APC: variants seen among roughly 807,000 people sequenced by gnomAD.
APC encodes the protein adenomatous polyposis coli protein.
A neutral mutation model predicts 247.0 loss-of-function variants in APC; 72 were observed. That is an observed-to-expected ratio of 0.29 (90% CI 0.24 to 0.35). The LOEUF (loss-of-function observed/expected upper bound fraction) is 0.35. Among genes scored for constraint, APC ranks in the 10% least tolerant of loss-of-function variants. The probability of loss-of-function intolerance (pLI) is 1.00; values close to 1 mark genes in which losing one functional copy is unlikely to be tolerated. For synonymous variants in APC, 1,254 were observed against 1,162.5 expected (o/e 1.08, Z -1.60); for missense variants, 3,400 against 3,360.7 (o/e 1.01, Z -0.29).
At chr5:112,713,523 G>A (rs1750982457) in intron 1 of APC, among the ~76,000 whole-genome samples, 1 of 152,178 alleles carries the variant, frequency 6.6e-6, no homozygotes, top group South Asian at 2.1e-4. Context: ...TAGGAAGAGG[G>A]TAAGCAAATG....
intron 14 of APC, 25 bp downstream of exon 14, chr5:112,828,997 A>G (rs373351850): frequency 1.1e-5 from 16 of 1,514,718 alleles, no homozygotes; most frequent in East Asian, 2.3e-5. Context: ...ATTTAGTACT[A>G]TAATATGAAT....
chr5:112,831,875 T>G (rs1764339955), intron 14 of APC, among the ~76,000 whole-genome samples: 1 of 152,236 alleles, frequency 6.6e-6, no homozygotes. Context: ...AACAATGGTT[T>G]TGACCAAATA....
chr5:112,814,713 C>T (rs1032735471), intron 8 of APC, among the ~76,000 whole-genome samples: 1 of 152,146 alleles, frequency 6.6e-6, no homozygotes, highest in African/African-American at 2.4e-5. Context: ...GCCTGAAGTC[C>T]AGTGACTCCA....
intron 9 of APC, among the ~76,000 whole-genome samples, chr5:112,817,345 G>T (rs1402597166): frequency 6.6e-6 from 1 of 152,120 alleles, no homozygotes; most frequent in Non-Finnish European, 1.5e-5. Context: ...AACTAATGTT[G>T]ATTTAAGTAA....
At chr5:112,837,008 C>T (rs747171388) in intron 15 of APC, among the ~76,000 whole-genome samples, 5 of 152,104 alleles carry the variant, frequency 3.3e-5, no homozygotes, top group Non-Finnish European at 7.4e-5. Flanking sequence ...GCCAAGAGCA[C>T]TCGTAAGAAG....
In APC at chr5:112,838,853, C is replaced by T. The variant is rs1168552524; in HGVS notation, c.3259C>T (p.Leu1087Phe). The stretch of plus-strand genomic sequence containing the variant: ...TACTGAGAGCACTGATGATAAACAC[C>T]TCAAGTTCCAACCACATTTTGGACA... ...VYTESTDDKH[L>F]KFQPHFGQQE... The change falls in exon 16 of 16, where the codon CTC becomes TTC. Residue 1087 changes from leucine (L) to phenylalanine (F), a missense_variant. By Grantham distance (22) the Leu-to-Phe change is conservative (BLOSUM62 0). Around this residue, in one of 9 missense-constraint regions of APC, gnomAD observed 715 missense variants for 656.6 expected, o/e 1.09. Coordinates refer to ENST00000257430, the MANE Select transcript of APC (RefSeq NM_000038.6). The T allele has an allele frequency of 1.2e-6, 2 of 1,614,106 alleles. No homozygotes were observed. The highest frequency in any genetic ancestry group is 1.1e-5 in the South Asian group (1 of 91,078).
intron 1 of APC, among the ~76,000 whole-genome samples, chr5:112,721,403 T>C (rs10076641): frequency 0.54 from 82,025 of 151,932 alleles, 22,684 homozygotes; most frequent in East Asian, 0.8. Flanking sequence ...AACAGTGAGA[T>C]TCCATCTCAA....
intron 6 of APC, among the ~76,000 whole-genome samples, chr5:112,786,968 A>G (rs1759031383): frequency 1.4e-5 from 2 of 147,510 alleles, no homozygotes; most frequent in South Asian, 2.1e-4. Flanking sequence ...TCTCACTGCA[A>G]CCTCCGCCTC....
Position 112,843,492 on chromosome 5 carries a change from G to C in APC, c.7898G>C (p.Gly2633Ala), listed in dbSNP as rs1766594323. ...TNSTSQTVSS[G>A]ATNGAESKTL... The stretch of plus-strand genomic sequence containing the variant: ...AGTACTTCTCAGACCGTTTCCTCAG[G>C]TGCTACAAATGGTGCTGAATCAAAG... The change falls in exon 16 of 16, where the codon GGT becomes GCT. Residue 2633 changes from glycine to alanine, a missense_variant. Around this residue, in one of 9 missense-constraint regions of APC, gnomAD observed 1,788 missense variants for 1,649.5 expected, o/e 1.08. Transcript: ENST00000257430. This position sits in a 1 kb window ranked among gnomAD's most constrained non-coding sequence, Gnocchi z 4.8. The C allele has an allele frequency of 6.2e-7, 1 of 1,613,948 alleles. No homozygotes were observed. The highest frequency in any genetic ancestry group is 1.1e-5 in the South Asian group (1 of 91,082).
Position 112,835,181 on chromosome 5 carries a change from T to C in APC, c.1958+16T>C. On this transcript the variant is annotated intron_variant, in intron 15 of 15. Transcript: ENST00000257430. Reference sequence around the variant, plus strand: ...AGGACCACAGGTATATATAGAGTTTTATATTACTTTTAAAGTACAGAATTC... The same window carrying C: ...AGGACCACAGGTATATATAGAGTTTCATATTACTTTTAAAGTACAGAATTC... The C allele has an allele frequency of 3.8e-6, 6 of 1,593,924 alleles. No homozygotes were observed. Among genetic ancestry groups the C allele is most frequent in the Non-Finnish European group, 5.1e-6 (6 of 1,165,840 alleles).
rs1055566518 is a variant in APC at position 112,731,724 on chromosome 5, C to T, written c.165+23842C>T. 2.6e-5 allele frequency among the ~76,000 whole-genome samples: 4 copies of T among 152,066 alleles called. 1 individual carries two copies. The highest frequency in any genetic ancestry group is 1.3e-4 in the Admixed American group (2 of 15,262). On this transcript the variant is annotated intron_variant, in intron 1 of 13. Transcript: ENST00000507379. ...TTGTGTTTATTTCTATTTCTTTGATCATTTGATATACTAAAACATTCTTCT... is the reference window on the plus strand; with the variant it reads ...TTGTGTTTATTTCTATTTCTTTGATTATTTGATATACTAAAACATTCTTCT...
At position 112,844,914 on chromosome 5, in the gene APC, A is replaced by G. The variant is rs1236824293; in HGVS notation, c.*788A>G. 8.6e-6 allele frequency: 2 copies of G among 232,554 alleles called. No individual in the cohort carries two copies. Among genetic ancestry groups the G allele is most frequent in the Non-Finnish European group, 1.7e-5 (2 of 117,430 alleles). 14.4% of individuals were successfully genotyped at this position (232,554 alleles called of 1,614,324 possible). A position where few individuals can be genotyped will look rare whatever the true frequency, so the allele number is the denominator to read the frequency against. On this transcript the variant is annotated 3_prime_UTR_variant, in exon 16 of 16. Coordinates refer to ENST00000257430, the MANE Select transcript of APC (RefSeq NM_000038.6). ...TGAGATGGCTGCTCTTTTATTAATG[A>G]GACATGAATTGTGTCTCAACAGAAA...
At chr5:112,745,197 G>A (rs1290269274) in intron 1 of APC, among the ~76,000 whole-genome samples, 3 of 152,012 alleles carry the variant, frequency 2.0e-5, no homozygotes, top group African/African-American at 7.2e-5. Context: ...ATGAAAATTA[G>A]TCAAGGCAAA....
At position 112,842,451 on chromosome 5, in the gene APC, C is replaced by T. The variant is rs200587641; in HGVS notation, c.6857C>T (p.Ala2286Val). Residue 2286 changes from alanine (A) to valine (V), a missense_variant, in exon 16 of 16, where the codon GCC (alanine) becomes GTC (valine). Around this residue, in one of 9 missense-constraint regions of APC, gnomAD observed 1,788 missense variants for 1,649.5 expected, o/e 1.08. Transcript: ENST00000257430. ...GTGAAATCAGAATTAAGCCCTGTTG[C>T]CAGGCAGACATCCCAAATAGGTGGG... ...PSVKSELSPVARQTSQIGGSS... is the reference protein window; with the variant it reads ...PSVKSELSPVVRQTSQIGGSS... 285 of 1,613,952 alleles carry T rather than the reference C, an allele frequency of 1.8e-4. 1 individual carries two copies. The highest frequency in any genetic ancestry group is 1.2e-3 in the Admixed American group (74 of 59,992).
At position 112,747,719 on chromosome 5, in the gene APC, A is replaced by G. The variant is rs1223538788; in HGVS notation, c.-18-7154A>G. On this transcript the variant is annotated intron_variant, in intron 1 of 15. Transcript: ENST00000257430. ...CATTGTAACAAGTTTCTGGAAGATG[A>G]AGAAATCGTGGGAATTAAAATGGAT... is the stretch of plus-strand genomic sequence containing the variant. 2.6e-5 allele frequency among the ~76,000 whole-genome samples: 4 copies of G among 152,202 alleles called. No individual in the cohort carries two copies. In the East Asian group the frequency reaches 7.7e-4, roughly 29 times the overall value.
At chr5:112,827,878 T>G (rs780944790) in intron 12 of APC, 51 bp from the exon 13 acceptor site, 1 of 1,493,812 alleles carries the variant, frequency 6.7e-7, no homozygotes, top group Admixed American at 1.7e-5. Context: ...AAATAAAGCT[T>G]GGCTTCAAGT....
Position 112,828,920 on chromosome 5 carries a change from G to A in APC, c.1691G>A (p.Arg564Gln), listed in dbSNP as rs747418061. 1.5e-5 allele frequency: 24 copies of A among 1,613,812 alleles called. No homozygotes were observed. Among genetic ancestry groups the A allele is most frequent in the East Asian group, 1.3e-4 (6 of 44,870 alleles). ...GATGTAAATAGTAAAAAGACGTTGC[G>A]AGAAGTTGGAAGTGTGAAAGCATTG... ...RADVNSKKTL[R>Q]EVGSVKALME... The change falls in exon 14 of 16, where the codon CGA becomes CAA. Residue 564 changes from arginine (R) to glutamine (Q), a missense_variant. By Grantham distance (43) the Arg-to-Gln change is conservative (BLOSUM62 1). Transcript: ENST00000257430.
In APC at chr5:112,840,619, TAGA is replaced by T. The variant is rs768369050; in HGVS notation, c.5026_5028del (p.Arg1676del). On this transcript the variant is annotated inframe_deletion, in exon 16 of 16. Transcript: ENST00000257430. The surrounding 1 kb of genome is among the most constrained non-coding windows in gnomAD (Gnocchi z 4.1). Reference sequence around the variant, plus strand: ...ATGAGTTAGCTGCTGGAGAAGGAGTTAGAGGAGGGGCACAGTCAGGTGAATTTG... The same window carrying T: ...ATGAGTTAGCTGCTGGAGAAGGAGTTGGAGGGGCACAGTCAGGTGAATTTG... 1.4e-5 allele frequency: 22 copies of T among 1,614,028 alleles called. No individual in the cohort carries two copies. In the South Asian group the frequency reaches 1.6e-4, roughly 12 times the overall value.
intron 4 of APC, among the ~76,000 whole-genome samples, chr5:112,770,834 G>A (rs1473792144): frequency 2.0e-5 from 3 of 152,002 alleles, no homozygotes; most frequent in African/African-American, 4.8e-5. Context: ...TTCTTTGGTC[G>A]AATTTGTATA....
Sources: allele counts gnomAD v4.1 joint callset (sites outside exome capture counted in the v4.1 genomes callset), GRCh38; gene constraint gnomAD v4.1.1; regional missense constraint gnomAD v4.1.1; non-coding constraint Gnocchi (gnomAD v3.1); transcripts MANE v1.5; gene names NCBI Gene and HGNC (gene_info 2026-07-23, HGNC 2026-07-21).